The following ATG14 variants were observed in gnomAD, a reference collection of about 807,000 sequenced individuals.
ATG14 encodes autophagy related 14.
In ATG14, 35 loss-of-function variants were observed where a neutral mutation model predicts 60.4. The observed-to-expected ratio is 0.58, with a 90% CI of 0.44 to 0.77. The LOEUF (loss-of-function observed/expected upper bound fraction) is 0.77. ATG14 is among the 30% of genes least tolerant of loss of function. The probability of loss-of-function intolerance (pLI) is 0.00; values close to 1 mark genes in which losing one functional copy is unlikely to be tolerated. For missense variants in ATG14, 647 were observed against 626.3 expected (o/e 1.03, Z -0.35); for synonymous variants, 234 against 228.8 (o/e 1.02, Z -0.21).
intron 2 of ATG14, among the ~76,000 whole-genome samples, chr14:55,396,373 G>A (rs1403833053): frequency 6.6e-6 from 1 of 152,188 alleles, no homozygotes; most frequent in Non-Finnish European, 1.5e-5. Flanking sequence ...GGAATAAAAT[G>A]TTCTATGGGA....
intron 1 of ATG14, among the ~76,000 whole-genome samples, chr14:55,405,586 C>G (rs1334733597): frequency 6.6e-6 from 1 of 152,200 alleles, no homozygotes; most frequent in Admixed American, 6.5e-5. Flanking sequence ...CCCATTCCCC[C>G]ACCTAACATG....
chr14:55,395,130 G>A (rs911838569), intron 3 of ATG14: 10 of 478,484 alleles, frequency 2.1e-5, no homozygotes, highest in African/African-American at 4.0e-5. Flanking sequence ...TCTCAGCTTC[G>A]TTTCCACTTT....
At chr14:55,381,853 T>A (rs1426332316) in intron 6 of ATG14, 109 bp downstream of exon 6, 1 of 847,504 alleles carries the variant, frequency 1.2e-6, no homozygotes, top group Non-Finnish European at 1.9e-6. Flanking sequence ...GTGCTGTGAA[T>A]GTACTAAATG....
intron 4 of ATG14, among the ~76,000 whole-genome samples, chr14:55,388,837 C>A (rs1885167062): frequency 6.6e-6 from 1 of 152,188 alleles, no homozygotes. Flanking sequence ...GTCATCAGAA[C>A]CACCTGGAGT....
At position 55,382,309 on chromosome 14, in the gene ATG14, T is replaced by A. The variant is rs1216648086; in HGVS notation, c.648-118A>T. On this transcript the variant is annotated intron_variant, in intron 5 of 9. Coordinates refer to ENST00000247178, the MANE Select transcript of ATG14 (RefSeq NM_014924.5). ...TGCCTATGAGCACAGAAATTTTACA[T>A]TAAATTTTTATTTTTTATTTTAGAG... 7.6e-6 allele frequency: 6 copies of A among 792,732 alleles called. No homozygotes were observed. In the East Asian group the frequency reaches 1.1e-4, roughly 14 times the overall value. 49.1% of individuals were successfully genotyped at this position (792,732 alleles called of 1,614,324 possible).
intron 3 of ATG14, among the ~76,000 whole-genome samples, chr14:55,393,348 G>A (rs1885256259): frequency 6.6e-6 from 1 of 151,764 alleles, no homozygotes; most frequent in Non-Finnish European, 1.5e-5. Flanking sequence ...TCGCGCCACT[G>A]CACTCCAGCC....
chr14:55,375,962 T>A (rs903222421), intron 9 of ATG14, among the ~76,000 whole-genome samples: 5 of 152,220 alleles, frequency 3.3e-5, no homozygotes, highest in African/African-American at 1.2e-4. Context: ...TGCTAGTAAT[T>A]TTCCCCCCTA....
chr14:55,402,949 A>G (rs1885430956), intron 1 of ATG14, among the ~76,000 whole-genome samples: 1 of 79,380 alleles, frequency 1.3e-5, no homozygotes, highest in Non-Finnish European at 2.6e-5. Flanking sequence ...ATATATATAT[A>G]TATATATATA....
intron 5 of ATG14, 130 bp from the exon 6 acceptor site, chr14:55,382,321 T>G (rs936174931): frequency 4.1e-6 from 3 of 740,138 alleles, no homozygotes; most frequent in Non-Finnish European, 6.5e-6. Context: ...AAATTTTTAT[T>G]TTTTATTTTA....
chr14:55,382,617 C>CA (rs1245524619), intron 5 of ATG14, among the ~76,000 whole-genome samples: 2 of 152,138 alleles, frequency 1.3e-5, no homozygotes, highest in Non-Finnish European at 2.9e-5. Context: ...AGCCAAAGTG[C>CA]AAATATTTCA....
At chr14:55,390,885 TGGAA>T (rs753734226) in intron 4 of ATG14, 22 bp downstream of exon 4, 1 of 1,490,660 alleles carries the variant, frequency 6.7e-7, no homozygotes, top group South Asian at 1.2e-5. Flanking sequence ...TTTCTAGGGC[TGGAA>T]GGAAGGACAC....
intron 2 of ATG14, among the ~76,000 whole-genome samples, chr14:55,396,752 G>A (rs1885320218): frequency 6.6e-6 from 1 of 152,108 alleles, no homozygotes; most frequent in African/African-American, 2.4e-5. Flanking sequence ...TAGGGAGCAG[G>A]TTTTATACCA....
In ATG14 at chr14:55,368,907, T is replaced by C. The variant is rs1334504172; in HGVS notation, c.*712A>G. The C allele has an allele frequency of 2.0e-5, 3 of 152,428 alleles. No homozygotes were observed. The highest frequency in any genetic ancestry group is 2.1e-4 in the South Asian group (1 of 4,828). The allele number at this position is 152,428 out of a possible 1,614,324, so 9.4% of individuals were successfully genotyped here. On this transcript the variant is annotated 3_prime_UTR_variant, in exon 10 of 10. Coordinates refer to ENST00000247178, the MANE Select transcript of ATG14 (RefSeq NM_014924.5). ...TAATTCCCCTCAGAATACAAGAAAA[T>C]AGTTAAAAACTCTCTAGACATTATT...
chr14:55,398,829 C>T (rs1461086218), intron 1 of ATG14, among the ~76,000 whole-genome samples: 1 of 151,130 alleles, frequency 6.6e-6, no homozygotes, highest in Non-Finnish European at 1.5e-5. Flanking sequence ...TAAGATGTGG[C>T]TTGCTGCTTA....
chr14:55,386,897 T>G (rs548859517), intron 4 of ATG14, among the ~76,000 whole-genome samples: 1 of 152,284 alleles, frequency 6.6e-6, no homozygotes, highest in African/African-American at 2.4e-5. Context: ...AAACCCAAGT[T>G]CAAAATCAAG....
chr14:55,392,887 G>A (rs1885243580), intron 3 of ATG14, among the ~76,000 whole-genome samples: 1 of 152,146 alleles, frequency 6.6e-6, no homozygotes, highest in Non-Finnish European at 1.5e-5. Flanking sequence ...CACAGGGACT[G>A]AGGGGTTCAG....
chr14:55,395,739 T>C (rs554363535), intron 3 of ATG14, among the ~76,000 whole-genome samples: 216 of 152,342 alleles, frequency 1.4e-3, no homozygotes, highest in Middle Eastern at 3.4e-3. Context: ...ATAATTATCC[T>C]TTACAATGGC....
intron 4 of ATG14, 60 bp downstream of exon 4, chr14:55,390,851 T>A: frequency 1.7e-6 from 2 of 1,169,306 alleles, no homozygotes; most frequent in Non-Finnish European, 2.5e-6. Context: ...AGTTTATTAA[T>A]CCCATGAAAT....
At chr14:55,411,099 T>G (rs1474537527) in intron 1 of ATG14, among the ~76,000 whole-genome samples, 4 of 152,174 alleles carry the variant, frequency 2.6e-5, no homozygotes, top group African/African-American at 9.7e-5. Flanking sequence ...CAAGCCTCAA[T>G]TCACACATTA....
Sources: gnomAD v4.1 joint callset for allele counts (sites outside exome capture counted in the v4.1 genomes callset) on GRCh38, gnomAD v4.1.1 for gene constraint, MANE v1.5 for transcripts, NCBI Gene and HGNC (gene_info 2026-07-23, HGNC 2026-07-21) for gene names.